Variants in GARRE1 observed in about 807,000 individuals in gnomAD.
GARRE1 encodes granule associated Rac and RHOG effector 1.
A neutral mutation model predicts 103.2 loss-of-function variants in GARRE1; 49 were observed. The observed-to-expected ratio is 0.47, with a 90% CI of 0.38 to 0.60. GARRE1 has a LOEUF of 0.60. GARRE1 is among the 20% of genes least tolerant of loss of function. The probability of loss-of-function intolerance (pLI) is 0.00; values close to 1 mark genes in which losing one functional copy is unlikely to be tolerated. For missense variants in GARRE1, 1,199 were observed against 1,370.5 expected, an observed-to-expected ratio of 0.87 and a Z score of 1.98; for synonymous variants, 505 against 532.8, an observed-to-expected ratio of 0.95 and a Z score of 0.72.
rs547594063 is a variant in GARRE1, at chr19:34,255,368, G to T, written c.-796+754G>T. Among the ~76,000 whole-genome samples, 4 of 152,306 alleles carry T rather than the reference G, an allele frequency of 2.6e-5. No homozygotes were observed. The South Asian group carries it at 8.3e-4, about 32-fold the overall frequency. ...ATTTTCCAGAGACTCAGCTTTGGGGGCCTCCAGTTTGAAAATACCTTGTTC... is the reference window on the plus strand; with the variant it reads ...ATTTTCCAGAGACTCAGCTTTGGGGTCCTCCAGTTTGAAAATACCTTGTTC... On this transcript the variant is annotated intron_variant, in intron 1 of 13. Transcript: ENST00000299505.
At position 34,303,497 on chromosome 19, in the gene GARRE1, T is replaced by C. The variant is rs576508516; in HGVS notation, c.495+2529T>C. On this transcript the variant is annotated intron_variant, in intron 2 of 13. Coordinates refer to ENST00000299505, the MANE Select transcript of GARRE1 (RefSeq NM_014686.5). Reference sequence around the variant, plus strand: ...GGAATTTCCAAGAAGAACTTAGAGTTATTTCTTAAGAGACACAGCATCATT... The same window carrying C: ...GGAATTTCCAAGAAGAACTTAGAGTCATTTCTTAAGAGACACAGCATCATT... Among the ~76,000 whole-genome samples, 9 of 152,396 alleles carry C rather than the reference T, an allele frequency of 5.9e-5. No individual in the cohort carries two copies. The South Asian group carries it at 1.9e-3, about 32-fold the overall frequency.
chr19:34,347,692 C>T (rs1054571071), intron 10 of GARRE1, among the ~76,000 whole-genome samples, 185 bp from the exon 11 acceptor site: 2 of 152,218 alleles, frequency 1.3e-5, no homozygotes, highest in Non-Finnish European at 2.9e-5. Context: ...GCCCTAGGTG[C>T]GGCAAGTCCC....
chr19:34,323,023 CTTTTTTTT>C (rs71165649), intron 3 of GARRE1, among the ~76,000 whole-genome samples: 310 of 66,688 alleles, frequency 4.6e-3, no homozygotes, highest in African/African-American at 0.016. Flanking sequence ...TATTTCTTTT[CTTTTTTTT>C]TTTTTTTTTT....
chr19:34,300,597 A>G lies in GARRE1; in HGVS notation c.124A>G (p.Ser42Gly). The change falls in exon 2 of 14, where the codon AGT becomes GGT. Residue 42 changes from serine to glycine, a missense_variant. Coordinates refer to ENST00000299505, the MANE Select transcript of GARRE1 (RefSeq NM_014686.5). ...GATGCCTGAGCTGGGCCGAGCACTG[A>G]GTGCTCCCCTGGCATCCACGGCCAC... ...YPMPELGRAL[S>G]APLASTATTA... 1.9e-6 allele frequency: 3 copies of G among 1,613,530 alleles called. No homozygotes were observed. Among genetic ancestry groups the G allele is most frequent in the Non-Finnish European group, 2.5e-6 (3 of 1,180,040 alleles).
chr19:34,306,585 T>C (rs1264928393), intron 2 of GARRE1, among the ~76,000 whole-genome samples: 1 of 152,152 alleles, frequency 6.6e-6, no homozygotes, highest in Admixed American at 6.6e-5. Context: ...ACCCTCACAG[T>C]CTCTCTGTTA....
chr19:34,285,697 C>T (rs1432557591), intron 1 of GARRE1, among the ~76,000 whole-genome samples: 25 of 151,294 alleles, frequency 1.7e-4, no homozygotes, highest in Admixed American at 1.1e-3. Context: ...TTTGTTTCAT[C>T]GTGTTAGCTA....
chr19:34,316,373 C>G (rs991648080), intron 2 of GARRE1, among the ~76,000 whole-genome samples: 1 of 152,168 alleles, frequency 6.6e-6, no homozygotes, highest in Non-Finnish European at 1.5e-5. Context: ...CCACACAGTC[C>G]AGGAAACTTT....
In GARRE1 at chr19:34,300,679, A is replaced by G; in HGVS notation, c.206A>G (p.His69Arg). 1 of 1,614,042 alleles carries G rather than the reference A, an allele frequency of 6.2e-7. No individual in the cohort carries two copies. The highest frequency in any genetic ancestry group is 8.5e-7 in the Non-Finnish European group (1 of 1,180,008). ...AAGSCHHAMPHTTPIADIQQG... is the reference protein window; with the variant it reads ...AAGSCHHAMPRTTPIADIQQG... Reference sequence around the variant, plus strand: ...GGCAGCTGCCACCATGCCATGCCCCACACTACTCCTATCGCCGACATCCAG... The same window carrying G: ...GGCAGCTGCCACCATGCCATGCCCCGCACTACTCCTATCGCCGACATCCAG... The change falls in exon 2 of 14, where the codon CAC becomes CGC. Residue 69 changes from histidine to arginine, a missense_variant. Transcript: ENST00000299505.
At chr19:34,310,574 C>T (rs1020154932) in intron 2 of GARRE1, among the ~76,000 whole-genome samples, 2 of 152,252 alleles carry the variant, frequency 1.3e-5, no homozygotes, top group Non-Finnish European at 2.9e-5. Flanking sequence ...GTAGGCCCAG[C>T]CACCTGGCCT....
In GARRE1 at chr19:34,352,585, G is replaced by A; in HGVS notation, c.2905-62G>A. The A allele has an allele frequency of 5.0e-6, 7 of 1,391,258 alleles. No individual in the cohort carries two copies. The South Asian group carries it at 7.6e-5, about 15-fold the overall frequency. 86.2% of individuals were successfully genotyped at this position (1,391,258 alleles called of 1,614,324 possible). ...GAGGGAATAAGGGCCAGGCATCTGG[G>A]GAGGTGGGAAATGATGATACATTGC... On this transcript the variant is annotated intron_variant, in intron 13 of 13. Transcript: ENST00000299505.
At position 34,342,024 on chromosome 19, in the gene GARRE1, C is replaced by G; in HGVS notation, c.2090C>G (p.Pro697Arg). 6.2e-7 allele frequency: 1 copy of G among 1,614,106 alleles called. No homozygotes were observed. The highest frequency in any genetic ancestry group is 2.2e-5 in the East Asian group (1 of 44,886). ...CCACAGCAGCCGTCACTGCCTGTGC[C>G]CCCTCCACCACGGGCACCCCAGGCT... ...MQPQQPSLPV[P>R]PPPRAPQAGA... is the part of the protein sequence containing the mutation. The change falls in exon 10 of 14, where the codon CCC becomes CGC. Residue 697 changes from proline (P) to arginine (R), a missense_variant. Pro to Arg is a moderately radical substitution (Grantham distance 103). Coordinates refer to ENST00000299505, the MANE Select transcript of GARRE1 (RefSeq NM_014686.5).
intron 1 of GARRE1, chr19:34,296,584 G>A (rs772368019): frequency 5.1e-5 from 80 of 1,578,220 alleles, no homozygotes; most frequent in Non-Finnish European, 5.9e-5. Context: ...ATCTTCTTGA[G>A]GCCCTTCTTG....
At chr19:34,349,319 G>A (rs1023895618) in intron 12 of GARRE1, among the ~76,000 whole-genome samples, 166 bp downstream of exon 12, 2 of 152,302 alleles carry the variant, frequency 1.3e-5, no homozygotes, top group Admixed American at 6.5e-5. Context: ...GCACCTGCAG[G>A]AGGCGGTTTC....
intron 1 of GARRE1, among the ~76,000 whole-genome samples, chr19:34,261,637 G>A (rs4806005): frequency 0.041 from 6,184 of 152,190 alleles, 186 homozygotes; most frequent in Admixed American, 0.11. Context: ...CAAGAGGGGA[G>A]GACTCTTGGG....
intron 2 of GARRE1, among the ~76,000 whole-genome samples, chr19:34,302,721 T>C (rs1256139293): frequency 2.6e-5 from 4 of 151,394 alleles, no homozygotes; most frequent in African/African-American, 7.3e-5. Flanking sequence ...AGTACATTTC[T>C]TGGGGTCTTT....
At position 34,340,026 on chromosome 19, in the gene GARRE1, G is replaced by A. The variant is rs778536181; in HGVS notation, c.1487+34G>A. 5.0e-5 allele frequency: 81 copies of A among 1,611,004 alleles called. No individual in the cohort carries two copies. The Admixed American group carries it at 9.0e-4, about 18-fold the overall frequency. Reference sequence around the variant, plus strand: ...CTGTGGTTTGCATTAGATGCATACCGAGGGACAGTGTGACTATGCACAGTT... The same window carrying A: ...CTGTGGTTTGCATTAGATGCATACCAAGGGACAGTGTGACTATGCACAGTT... On this transcript the variant is annotated intron_variant, in intron 9 of 13. Transcript: ENST00000299505.
chr19:34,346,093 G>A (rs1423412624), intron 10 of GARRE1, among the ~76,000 whole-genome samples: 2 of 152,160 alleles, frequency 1.3e-5, no homozygotes, highest in Admixed American at 1.3e-4. Flanking sequence ...CAAAATCAGT[G>A]CGGGATGGGG....
Position 34,352,913 on chromosome 19 carries a change from T to C in GARRE1, c.3171T>C (p.Pro1057=). 1 of 1,501,988 alleles carries C rather than the reference T, an allele frequency of 6.7e-7. No homozygotes were observed. Among genetic ancestry groups the C allele is most frequent in the East Asian group, 2.4e-5 (1 of 42,482 alleles). The allele number at this position is 1,501,988 out of a possible 1,614,324, so 93.0% of individuals were successfully genotyped here. Reference sequence around the variant, plus strand: ...CACCCAAGGGCTTCAAGGCCTTCCCTGGGAAGGGTGAGCGCAGGCCAGCCT... The same window carrying C: ...CACCCAAGGGCTTCAAGGCCTTCCCCGGGAAGGGTGAGCGCAGGCCAGCCT... The part of the protein sequence containing the change: ...KAAPKGFKAF[P]GKGERRPAYL... The change falls in exon 14 of 14, where the codon CCT becomes CCC. Residue 1057 remains proline (P), a synonymous_variant. Coordinates refer to ENST00000299505, the MANE Select transcript of GARRE1 (RefSeq NM_014686.5).
At chr19:34,307,623 A>G (rs2074013523) in intron 2 of GARRE1, among the ~76,000 whole-genome samples, 2 of 144,112 alleles carry the variant, frequency 1.4e-5, no homozygotes, top group South Asian at 4.3e-4. Context: ...ATATATACTT[A>G]TATATACATA....
Sources: gnomAD v4.1 joint callset for allele counts (sites outside exome capture counted in the v4.1 genomes callset) on GRCh38, gnomAD v4.1.1 for gene constraint, MANE v1.5 for transcripts, NCBI Gene and HGNC (gene_info 2026-07-23, HGNC 2026-07-21) for gene names.